The following ANO1 variants were observed in gnomAD, a reference collection of about 807,000 sequenced individuals.
ANO1 encodes the protein anoctamin 1.
Under a neutral mutation model 124.0 loss-of-function variants are expected in ANO1, and 59 were observed. The ratio of observed to expected loss-of-function variants is 0.48; its 90% CI spans 0.39 to 0.59. The LOEUF is 0.59. Among genes scored for constraint, ANO1 ranks in the 20% least tolerant of loss-of-function variants. ANO1 has a pLI of 0.00. For missense variants in ANO1, 1,059 were observed against 1,328.0 expected (o/e 0.80, Z 3.15); for synonymous variants, 529 against 532.0 (o/e 0.99, Z 0.08).
intron 8 of ANO1, among the ~76,000 whole-genome samples, chr11:70,117,968 T>C (rs2509142): frequency 0.41 from 61,885 of 152,004 alleles, 13,151 homozygotes; most frequent in East Asian, 0.56. Flanking sequence ...ACCCCATGAC[T>C]TGCAGAACTC....
At chr11:70,072,816 A>T (rs1857906045) in intron 1 of ANO1, 1 of 152,366 alleles carries the variant, frequency 6.6e-6, no homozygotes, top group South Asian at 2.1e-4. Flanking sequence ...TACTCTCAAC[A>T]GTGCAGGGGT....
upstream of ANO1, among the ~76,000 whole-genome samples, chr11:70,074,420 T>A (rs1284062807): frequency 6.6e-6 from 1 of 152,186 alleles, no homozygotes; most frequent in Non-Finnish European, 1.5e-5. Context: ...CCCAATCTCC[T>A]TTCTGCCACC....
rs766617992 is a variant in ANO1 at position 70,165,560 on chromosome 11, A to G, written c.2041A>G (p.Ile681Val). The change falls in exon 20 of 26, where the codon ATC (isoleucine) becomes GTC (valine). Residue 681 changes from isoleucine (I) to valine (V), a missense_variant. Ile to Val is a conservative substitution (Grantham distance 29). This residue lies in a region of ANO1 where 809 missense variants were observed against 1,094.9 expected (regional missense o/e 0.74). Transcript: ENST00000355303. The part of the protein sequence containing the change: ...KQLIQNNLFE[I>V]GIPKMKKLIR... ...GCTGATCCAGAACAACCTGTTCGAG[A>G]TCGGCATCCCGTGAGTGTGCTGCAG... 1.9e-6 allele frequency: 3 copies of G among 1,610,664 alleles called. No homozygotes were observed. Among genetic ancestry groups the G allele is most frequent in the Non-Finnish European group, 2.5e-6 (3 of 1,178,546 alleles).
At chr11:70,154,854 TAA>T (rs1349802193) in intron 14 of ANO1, among the ~76,000 whole-genome samples, 1 of 152,186 alleles carries the variant, frequency 6.6e-6, no homozygotes, top group East Asian at 1.9e-4. Context: ...CGCCCTAAAA[TAA>T]AGAGACTGTC....
At chr11:70,054,032 C>T (rs1555006559) in intron 1 of ANO1, among the ~76,000 whole-genome samples, 1 of 152,174 alleles carries the variant, frequency 6.6e-6, no homozygotes, top group Non-Finnish European at 1.5e-5. Context: ...TGTCTGCTTT[C>T]TCTTTCTTGT....
chr11:70,014,837 T>G (rs1565161066), intron 1 of ANO1: 1 of 150,748 alleles, frequency 6.6e-6, no homozygotes, highest in African/African-American at 2.5e-5. Context: ...TTGTTTTTTT[T>G]TTTTCTTTTT....
At chr11:70,017,096 T>C (rs1856716119) in intron 1 of ANO1, among the ~76,000 whole-genome samples, 1 of 152,234 alleles carries the variant, frequency 6.6e-6, no homozygotes, top group African/African-American at 2.4e-5. Context: ...AGAGCAGGGC[T>C]CAGCCAAATA....
chr11:70,101,972 A>G (rs2045297232), intron 2 of ANO1, among the ~76,000 whole-genome samples: 1 of 152,212 alleles, frequency 6.6e-6, no homozygotes, highest in Non-Finnish European at 1.5e-5. Flanking sequence ...TCGTTGCGTC[A>G]GCACCCTGGG....
At chr11:69,967,591 T>A in the ANO1 span, among the ~76,000 whole-genome samples, 847 of 152,126 alleles carry the variant, frequency 5.6e-3, 31 homozygotes, top group Admixed American at 0.048. Flanking sequence ...GACTCTGGAG[T>A]AGGGAAAGTG....
At chr11:70,053,261 C>T (rs1251761163) in intron 1 of ANO1, among the ~76,000 whole-genome samples, 5 of 152,046 alleles carry the variant, frequency 3.3e-5, no homozygotes, top group African/African-American at 7.2e-5. Context: ...CAATCCATAA[C>T]TTTTTATTTC....
intron 1 of ANO1, among the ~76,000 whole-genome samples, chr11:70,019,772 T>C (rs1457835736): frequency 6.6e-6 from 1 of 152,220 alleles, no homozygotes; most frequent in African/African-American, 2.4e-5. Flanking sequence ...CATGACTTCC[T>C]GGTCGTCTCA....
intron 5 of ANO1, chr11:70,108,089 AT>A (rs2135388235): frequency 2.2e-6 from 1 of 453,136 alleles, no homozygotes; most frequent in Admixed American, 3.3e-5. Flanking sequence ...GCCAACTGCC[AT>A]GACTCCCACG....
At chr11:70,047,603 TAACTG>T (rs1157920908) in intron 1 of ANO1, among the ~76,000 whole-genome samples, 1 of 152,234 alleles carries the variant, frequency 6.6e-6, no homozygotes, top group African/African-American at 2.4e-5. Flanking sequence ...AGTTTCTTCT[TAACTG>T]AAAACAGAGA....
At chr11:70,033,281 C>T (rs1375471027) in intron 1 of ANO1, among the ~76,000 whole-genome samples, 2 of 152,102 alleles carry the variant, frequency 1.3e-5, no homozygotes, top group Non-Finnish European at 2.9e-5. Context: ...CCATAGAAGG[C>T]GCAGGTGGGA....
In ANO1 at chr11:69,993,119, G is replaced by A. The variant is rs556267944; in HGVS notation, c.58+6953G>A. On this transcript the variant is annotated intron_variant, in intron 1 of 27. Coordinates refer to the ANO1 transcript ENST00000531349. ...AACCCACACAACCCTGGGAATGCCA[G>A]CCCCACCCCAATGGGGCCAGCCACC... 3.3e-5 allele frequency among the ~76,000 whole-genome samples: 5 copies of A among 152,252 alleles called. No individual in the cohort carries two copies. The East Asian group carries it at 9.7e-4, about 29-fold the overall frequency.
At chr11:70,158,890 G>A (rs924301524) in intron 16 of ANO1, among the ~76,000 whole-genome samples, 4 of 152,100 alleles carry the variant, frequency 2.6e-5, no homozygotes, top group African/African-American at 9.7e-5. Flanking sequence ...GTGACTTGGT[G>A]GGAGGGCACC....
intron 11 of ANO1, among the ~76,000 whole-genome samples, chr11:70,139,693 T>C (rs942027573): frequency 6.6e-6 from 1 of 152,238 alleles, no homozygotes; most frequent in African/African-American, 2.4e-5. Flanking sequence ...TTTGCTCTCA[T>C]AAGTAATGCT....
At chr11:70,127,417 T>C (rs1184653081) in intron 10 of ANO1, among the ~76,000 whole-genome samples, 2 of 152,146 alleles carry the variant, frequency 1.3e-5, no homozygotes, top group Non-Finnish European at 2.9e-5. Flanking sequence ...GTAGATCCGA[T>C]GTGCCTTCTG....
At chr11:70,132,414 A>G (rs1414212805) in intron 11 of ANO1, among the ~76,000 whole-genome samples, 2 of 152,148 alleles carry the variant, frequency 1.3e-5, no homozygotes, top group South Asian at 2.1e-4. Context: ...TCCTGCCTCC[A>G]TCCCTGCTGC....
Sources: allele counts gnomAD v4.1 joint callset (sites outside exome capture counted in the v4.1 genomes callset), GRCh38; gene constraint gnomAD v4.1.1; regional missense constraint gnomAD v4.1.1; transcripts MANE v1.5; gene names NCBI Gene and HGNC (gene_info 2026-07-23, HGNC 2026-07-21).